The following MINDY3 variants were observed in gnomAD, a reference collection of about 807,000 sequenced individuals.
The protein encoded by MINDY3 is ubiquitin carboxyl-terminal hydrolase MINDY-3.
Under a neutral mutation model 69.2 loss-of-function variants are expected in MINDY3, and 38 were observed. That is an observed-to-expected ratio of 0.55 (90% confidence interval 0.42 to 0.72). The LOEUF is 0.72. MINDY3 is among the 30% of genes least tolerant of loss of function. MINDY3 has a pLI of 0.00. For missense variants in MINDY3, 522 were observed against 519.0 expected (o/e 1.01, Z -0.06); for synonymous variants, 192 against 180.1 (o/e 1.07, Z -0.53).
chr10:15,838,169 G>A, intron 5 of MINDY3, 59 bp downstream of exon 5: 2 of 1,547,922 alleles, frequency 1.3e-6, no homozygotes, highest in Non-Finnish European at 1.7e-6. Flanking sequence ...AGTATGAACA[G>A]ACTTAAAGTG....
At chr10:15,782,104 A>C (rs761607721) in intron 14 of MINDY3, 51 bp downstream of exon 14, 1 of 1,294,576 alleles carries the variant, frequency 7.7e-7, no homozygotes, top group South Asian at 1.2e-5. Context: ...ATACTCACAT[A>C]ATTATTTCAT....
chr10:15,821,436 C>T (rs998066059), intron 9 of MINDY3, among the ~76,000 whole-genome samples: 1 of 152,076 alleles, frequency 6.6e-6, no homozygotes, highest in Non-Finnish European at 1.5e-5. Context: ...CCTCCTCCGA[C>T]AAAAATAACA....
At chr10:15,855,440 T>G (rs1365611593) in intron 1 of MINDY3, among the ~76,000 whole-genome samples, 1 of 151,954 alleles carries the variant, frequency 6.6e-6, no homozygotes, top group Non-Finnish European at 1.5e-5. Flanking sequence ...TTAAAAGGAC[T>G]TAACTTACCA....
intron 11 of MINDY3, among the ~76,000 whole-genome samples, chr10:15,794,474 G>C (rs756072601): frequency 2.6e-5 from 4 of 151,978 alleles, no homozygotes; most frequent in Non-Finnish European, 5.9e-5. Flanking sequence ...GTCATATATA[G>C]AGGCATACTT....
intron 1 of MINDY3, among the ~76,000 whole-genome samples, chr10:15,854,799 T>C (rs1051011699): frequency 3.3e-5 from 5 of 151,880 alleles, no homozygotes; most frequent in Non-Finnish European, 7.4e-5. Flanking sequence ...ATAGGACAAA[T>C]GGAGAACTGG....
At chr10:15,798,469 T>TTG (rs112988763) in intron 10 of MINDY3, among the ~76,000 whole-genome samples, 1 of 151,760 alleles carries the variant, frequency 6.6e-6, no homozygotes. Flanking sequence ...CAAGTGTTTT[T>TTG]TTTTTTTTTT....
chr10:15,824,474 T>A (rs1564498911), intron 8 of MINDY3, among the ~76,000 whole-genome samples: 3 of 152,302 alleles, frequency 2.0e-5, no homozygotes, highest in East Asian at 1.9e-4. Flanking sequence ...TGCTTTGGGA[T>A]CATCCGTAAG....
intron 9 of MINDY3, among the ~76,000 whole-genome samples, chr10:15,819,935 G>A (rs1349310070): frequency 2.0e-5 from 3 of 152,068 alleles, no homozygotes; most frequent in Non-Finnish European, 4.4e-5. Context: ...CCTACATCTA[G>A]AAAACCAAAC....
rs561791956 is a variant in MINDY3 at position 15,815,520 on chromosome 10, A to G, written c.882+1315T>C. ...AACTTTCATTGACTATACATGCTCA[A>G]AAAGCTCAAGGAGTAATCAGGAAAG... On this transcript the variant is annotated intron_variant, in intron 10 of 14. Transcript: ENST00000277632. 2.0e-5 allele frequency among the ~76,000 whole-genome samples: 3 copies of G among 152,350 alleles called. No homozygotes were observed. In the East Asian group the frequency reaches 5.8e-4, roughly 29 times the overall value.
Position 15,841,293 on chromosome 10 carries a change from C to G in MINDY3, c.409+133G>C, listed in dbSNP as rs947590069. The stretch of plus-strand genomic sequence containing the variant: ...TATGGAAATAAAAAATAGTGAGGCT[C>G]AGTAATTAAGCTTAAGCTGGAAAAG... On this transcript the variant is annotated intron_variant, in intron 4 of 14. Coordinates refer to ENST00000277632, the MANE Select transcript of MINDY3 (RefSeq NM_024948.4). The G allele has an allele frequency of 1.0e-5, 7 of 671,966 alleles. No homozygotes were observed. The African/African-American group carries it at 1.3e-4, about 12-fold the overall frequency. The allele number at this position is 671,966 out of a possible 1,614,324, so 41.6% of individuals were successfully genotyped here.
At chr10:15,824,397 T>A (rs1264437102) in intron 8 of MINDY3, among the ~76,000 whole-genome samples, 1 of 152,230 alleles carries the variant, frequency 6.6e-6, no homozygotes, top group African/African-American at 2.4e-5. Flanking sequence ...ATATACCTGT[T>A]ATTTTAAAGT....
Position 15,786,637 on chromosome 10 carries a change from A to C in MINDY3, c.1040T>G (p.Met347Arg). Reference sequence around the variant, plus strand: ...TCCTTCTGGATCTAATTTATTCTTCATGAGATTTATACTACGGGGAGAAAG... The same window carrying C: ...TCCTTCTGGATCTAATTTATTCTTCCTGAGATTTATACTACGGGGAGAAAG... ...LVSDPEYINL[M>R]KNKLDPEGLG... The change falls in exon 13 of 15, where the codon ATG (methionine) becomes AGG (arginine). Residue 347 changes from methionine to arginine, a missense_variant. By Grantham distance (91) the Met-to-Arg change is moderately conservative. Transcript: ENST00000277632. The C allele has an allele frequency of 6.4e-7, 1 of 1,571,710 alleles. No homozygotes were observed. Among genetic ancestry groups the C allele is most frequent in the Non-Finnish European group, 8.7e-7 (1 of 1,143,960 alleles).
intron 1 of MINDY3, among the ~76,000 whole-genome samples, chr10:15,853,202 A>G (rs1449476261): frequency 6.6e-6 from 1 of 152,082 alleles, no homozygotes; most frequent in South Asian, 2.1e-4. Context: ...TAGAAAAGGG[A>G]AAGAGTGATT....
chr10:15,789,383 C>G, intron 11 of MINDY3, 64 bp from the exon 12 acceptor site: 1 of 1,261,524 alleles, frequency 7.9e-7, no homozygotes, highest in Non-Finnish European at 1.2e-6. Flanking sequence ...GCTATTAATG[C>G]TGATCAGGTT....
intron 8 of MINDY3, among the ~76,000 whole-genome samples, chr10:15,828,565 A>G (rs1183411472): frequency 2.1e-5 from 3 of 142,818 alleles, no homozygotes; most frequent in African/African-American, 8.6e-5. Flanking sequence ...GAGTATCTCA[A>G]TAAAGCTATA....
At chr10:15,844,348 T>C in intron 2 of MINDY3, among the ~76,000 whole-genome samples, 1 of 152,190 alleles carries the variant, frequency 6.6e-6, no homozygotes, top group East Asian at 1.9e-4. Flanking sequence ...AGAAGTGAGA[T>C]GGGGATATTC....
chr10:15,829,045 G>GT (rs1277588019), intron 8 of MINDY3, among the ~76,000 whole-genome samples: 1 of 152,134 alleles, frequency 6.6e-6, no homozygotes. Context: ...AAAAAATTCA[G>GT]TTTCCCTCAA....
At chr10:15,827,323 C>T (rs1840157716) in intron 8 of MINDY3, among the ~76,000 whole-genome samples, 1 of 151,930 alleles carries the variant, frequency 6.6e-6, no homozygotes, top group African/African-American at 2.4e-5. Context: ...TGACGGATCA[C>T]CTGAGGTTGG....
rs10719399 is a variant in MINDY3 at position 15,848,633 on chromosome 10, C to CAAAAAAAAAAAA, written c.95-702_95-691dup. On this transcript the variant is annotated intron_variant, in intron 1 of 14. Transcript: ENST00000277632. ...TGGGCCACAGAGCTAGACTTCATCTCAAAAAAAAAAAAAAAAAAAAAAAAA... is the reference window on the plus strand; with the variant it reads ...TGGGCCACAGAGCTAGACTTCATCTCAAAAAAAAAAAAAAAAAAAAAAAAAAAAAAAAAAAAA... Among the ~76,000 whole-genome samples the CAAAAAAAAAAAA allele has an allele frequency of 1.3e-3, 63 of 48,800 alleles. 3 individuals are homozygous for CAAAAAAAAAAAA. Among genetic ancestry groups the CAAAAAAAAAAAA allele is most frequent in the African/African-American group, 5.7e-3 (41 of 7,162 alleles). The allele number at this position is 48,800 out of a possible 152,430, so 32.0% of individuals were successfully genotyped here.
Sources: allele counts gnomAD v4.1 joint callset (sites outside exome capture counted in the v4.1 genomes callset), GRCh38; gene constraint gnomAD v4.1.1; transcripts MANE v1.5; gene names NCBI Gene and HGNC (gene_info 2026-07-23, HGNC 2026-07-21).